Variants in HERC1 observed in about 807,000 individuals in gnomAD.
The protein encoded by HERC1 is HECT and RLD domain containing E3 ubiquitin protein ligase family member 1.
In HERC1, 160 loss-of-function variants were observed where a neutral mutation model predicts 554.3. The observed-to-expected ratio is 0.29, with a 90% confidence interval of 0.25 to 0.33. The LOEUF is 0.33. HERC1 is among the 10% of genes least tolerant of loss of function. The probability of loss-of-function intolerance (pLI) is 1.00; values close to 1 mark genes in which losing one functional copy is unlikely to be tolerated. For synonymous variants in HERC1, 2,175 were observed against 2,131.7 expected, an observed-to-expected ratio of 1.02 and a Z score of -0.56; for missense variants, 4,919 against 5,918.5, an observed-to-expected ratio of 0.83 and a Z score of 5.54.
chr15:63,663,844 G>GA (rs2070479609), intron 43 of HERC1, among the ~76,000 whole-genome samples: 1 of 152,210 alleles, frequency 6.6e-6, no homozygotes, highest in South Asian at 2.1e-4. Flanking sequence ...TTAATTATAT[G>GA]AGAAATATAC....
chr15:63,802,962 C>G (rs1415387292), intron 1 of HERC1, among the ~76,000 whole-genome samples: 1 of 152,142 alleles, frequency 6.6e-6, no homozygotes, highest in African/African-American at 2.4e-5. Flanking sequence ...ATAATCCCAA[C>G]ACTTCGGGAG....
chr15:63,757,262 C>CT (rs56196711), intron 4 of HERC1, among the ~76,000 whole-genome samples: 18,953 of 106,814 alleles, frequency 0.18, 2,564 homozygotes, highest in Middle Eastern at 0.21. Flanking sequence ...TTTTTATTTA[C>CT]TTTTTTTTTT....
chr15:63,715,817 A>AT, intron 22 of HERC1, among the ~76,000 whole-genome samples: 1 of 152,244 alleles, frequency 6.6e-6, no homozygotes. Flanking sequence ...AGTCAATAGC[A>AT]GTCTCATGTA....
At position 63,692,546 on chromosome 15, in the gene HERC1, C is replaced by T. The variant is rs1170163934; in HGVS notation, c.5695G>A (p.Ala1899Thr). The change falls in exon 31 of 78, where the codon GCA (alanine) becomes ACA (threonine). Residue 1899 changes from alanine to threonine, a missense_variant. This residue lies in a region of HERC1 where 1,121 missense variants were observed against 1,244.0 expected (regional missense o/e 0.90). Coordinates refer to ENST00000443617, the MANE Select transcript of HERC1 (RefSeq NM_003922.4). This position sits in a 1 kb window ranked among gnomAD's most constrained non-coding sequence, Gnocchi z 4.7. ...AAATCCCCTAGATGGAGTTCGGCTG[C>T]ATGTTGTTTCCTAAGAGCAGCTACA... ...DFRAALRKQH[A>T]AELHLGDFLV... 1.2e-6 allele frequency: 2 copies of T among 1,608,170 alleles called. No individual in the cohort carries two copies. The highest frequency in any genetic ancestry group is 2.7e-5 in the African/African-American group (2 of 74,590).
At chr15:63,810,424 A>G (rs1325265036) in intron 1 of HERC1, among the ~76,000 whole-genome samples, 5 of 142,448 alleles carry the variant, frequency 3.5e-5, no homozygotes, top group Admixed American at 3.4e-4. Flanking sequence ...GTGTAAAAAT[A>G]AAAAAAAAGA....
At chr15:63,803,046 C>CA (rs1381460163) in intron 1 of HERC1, among the ~76,000 whole-genome samples, 1 of 152,024 alleles carries the variant, frequency 6.6e-6, no homozygotes, top group African/African-American at 2.4e-5. Flanking sequence ...CCCATCTCTA[C>CA]AAAAAATAAT....
intron 2 of HERC1, among the ~76,000 whole-genome samples, chr15:63,765,969 T>TTA (rs2075763600): frequency 6.6e-6 from 1 of 152,082 alleles, no homozygotes; most frequent in African/African-American, 2.4e-5. Flanking sequence ...ACTTCTTGGT[T>TTA]TACACTCATC....
At chr15:63,698,012 T>C (rs918472156) in intron 26 of HERC1, among the ~76,000 whole-genome samples, 2 of 152,180 alleles carry the variant, frequency 1.3e-5, no homozygotes, top group African/African-American at 2.4e-5. Flanking sequence ...CTTTCAAGTT[T>C]TGCTCACTCA....
At position 63,641,432 on chromosome 15, in the gene HERC1, G is replaced by A. The variant is rs376321729; in HGVS notation, c.11607+38C>T. 103 of 1,532,040 alleles carry A rather than the reference G, an allele frequency of 6.7e-5. No homozygotes were observed. In the Middle Eastern group the frequency reaches 1.3e-3, roughly 20 times the overall value. The allele number at this position is 1,532,040 out of a possible 1,614,324, so 94.9% of individuals were successfully genotyped here. On this transcript the variant is annotated intron_variant, in intron 60 of 77. Coordinates refer to ENST00000443617, the MANE Select transcript of HERC1 (RefSeq NM_003922.4). ...CTATAATCACATTCCAAAGCACCAGGTATCTGTGTATCTCTAGGAGTGAGT... is the reference window on the plus strand; with the variant it reads ...CTATAATCACATTCCAAAGCACCAGATATCTGTGTATCTCTAGGAGTGAGT...
chr15:63,816,324 A>G (rs2077492143), intron 1 of HERC1, among the ~76,000 whole-genome samples: 1 of 152,200 alleles, frequency 6.6e-6, no homozygotes, highest in Non-Finnish European at 1.5e-5. Context: ...TTTGTCAAGG[A>G]GCCACATTGG....
intron 1 of HERC1, among the ~76,000 whole-genome samples, chr15:63,796,617 T>G (rs553748537): frequency 6.6e-6 from 1 of 152,306 alleles, no homozygotes; most frequent in East Asian, 1.9e-4. Flanking sequence ...GTACCCAAGG[T>G]GGTCAGGGAC....
In HERC1 at chr15:63,612,638, C is replaced by G; in HGVS notation, c.14095-82G>C. On this transcript the variant is annotated intron_variant, in intron 76 of 77. Transcript: ENST00000443617. The surrounding 1 kb of genome is among the most constrained non-coding windows in gnomAD (Gnocchi z 5.0). ...AGGGCCCTGTGGGGCTAGGCGCCTC[C>G]TGATGCCTGCTCGTCCGCTCCCCAG... 5 of 1,348,840 alleles carry G rather than the reference C, an allele frequency of 3.7e-6. No individual in the cohort carries two copies. Among genetic ancestry groups the G allele is most frequent in the Non-Finnish European group, 5.1e-6 (5 of 979,732 alleles). 83.6% of individuals were successfully genotyped at this position (1,348,840 alleles called of 1,614,324 possible).
At chr15:63,754,117 T>G (rs1221813170) in intron 7 of HERC1, among the ~76,000 whole-genome samples, 1 of 151,694 alleles carries the variant, frequency 6.6e-6, no homozygotes, top group Non-Finnish European at 1.5e-5. Context: ...GAGGCTGCAG[T>G]GAGCCAGGTT....
At position 63,689,690 on chromosome 15, in the gene HERC1, G is replaced by C. The variant is rs781450433; in HGVS notation, c.5947C>G (p.Arg1983Gly). The C allele has an allele frequency of 3.2e-6, 5 of 1,560,344 alleles. No individual in the cohort carries two copies. Among genetic ancestry groups the C allele is most frequent in the Non-Finnish European group, 4.4e-6 (5 of 1,149,246 alleles). The change falls in exon 33 of 78, where the codon CGC becomes GGC. Residue 1983 changes from arginine to glycine, a missense_variant. By Grantham distance (125) the Arg-to-Gly change is moderately radical. This residue lies in a region of HERC1 where 1,121 missense variants were observed against 1,244.0 expected (regional missense o/e 0.90). Transcript: ENST00000443617. ...CAATCAGAGAGAAGGGAAAATAAGC[G>C]CTCAACAATCTGTTTTATTGAAGAA... ...EDDQMAQIVE[R>G]LFSLLSDCMW...
intron 41 of HERC1, 41 bp from the exon 42 acceptor site, chr15:63,666,191 A>C (rs2070625684): frequency 3.3e-6 from 5 of 1,525,246 alleles, no homozygotes; most frequent in Non-Finnish European, 3.6e-6. Flanking sequence ...CTTTGGGCAA[A>C]GAATTAGGTC....
intron 69 of HERC1, 88 bp from the exon 70 acceptor site, chr15:63,628,903 C>T (rs2068424374): frequency 1.6e-6 from 2 of 1,249,130 alleles, no homozygotes; most frequent in African/African-American, 1.5e-5. Context: ...TGGTGGCAGA[C>T]ATAAATAAGT....
chr15:63,829,594 T>TATATAAAA (rs1555455841), intron 1 of HERC1, among the ~76,000 whole-genome samples: 2 of 131,442 alleles, frequency 1.5e-5, no homozygotes, highest in East Asian at 4.3e-4. Flanking sequence ...TATATATATA[T>TATATAAAA]AATATACTGA....
chr15:63,685,420 T>A (rs1305997831), intron 34 of HERC1, among the ~76,000 whole-genome samples: 2 of 152,248 alleles, frequency 1.3e-5, no homozygotes, highest in Non-Finnish European at 2.9e-5. Context: ...GGGCAACACA[T>A]ATACCCTAAG....
At chr15:63,615,622 GT>G in intron 76 of HERC1, 145 bp downstream of exon 76, 1 of 567,564 alleles carries the variant, frequency 1.8e-6, no homozygotes, top group African/African-American at 2.0e-5. Flanking sequence ...AAATAAATAA[GT>G]AAATTAAAAT....
Sources: gnomAD v4.1 joint callset for allele counts (sites outside exome capture counted in the v4.1 genomes callset) on GRCh38, gnomAD v4.1.1 for gene constraint, gnomAD v4.1.1 regional missense constraint, Gnocchi (gnomAD v3.1) non-coding constraint, MANE v1.5 for transcripts, NCBI Gene and HGNC (gene_info 2026-07-23, HGNC 2026-07-21) for gene names.